DRC8: variants seen among roughly 807,000 people sequenced by gnomAD.
DRC8 encodes the protein dynein regulatory complex protein 8.
the DRC8 span, among the ~76,000 whole-genome samples, chr1:245,045,784 T>C: frequency 1.3e-5 from 1 of 77,990 alleles, no homozygotes. Flanking sequence ...GTCTGACTGG[T>C]TGTGGACAGC....
the DRC8 span, among the ~76,000 whole-genome samples, chr1:245,112,460 T>C: frequency 4.6e-5 from 7 of 152,230 alleles, no homozygotes; most frequent in African/African-American, 1.4e-4. Flanking sequence ...AAAAGAAATA[T>C]GCAGCTGAGT....
chr1:245,082,649 C>T, the DRC8 span, among the ~76,000 whole-genome samples: 1 of 152,114 alleles, frequency 6.6e-6, no homozygotes, highest in Admixed American at 6.6e-5. Context: ...AAAAAGATTT[C>T]AATGAGGCAA....
chr1:245,123,644 C>T, the DRC8 span: 4 of 152,654 alleles, frequency 2.6e-5, no homozygotes, highest in African/African-American at 9.7e-5. The surrounding 1 kb of genome is among the most constrained non-coding windows in gnomAD (Gnocchi z 5.0). Context: ...ATAGGAATTA[C>T]CACCAAATTC....
the DRC8 span, among the ~76,000 whole-genome samples, chr1:245,118,795 AAAAAGAAAAGAAAAGAAAAGAAAAG>A: frequency 2.9e-5 from 4 of 138,484 alleles, no homozygotes; most frequent in Non-Finnish European, 4.6e-5. Context: ...GCCATCTCAA[AAAAAGAAAAGAAAAGAAAAGAAAAG>A]AAAAGAAAAG....
chr1:245,028,489 TA>T, the DRC8 span, among the ~76,000 whole-genome samples: 11 of 152,270 alleles, frequency 7.2e-5, no homozygotes, highest in South Asian at 4.1e-4. Flanking sequence ...TAAAGAGGAA[TA>T]TTTTTTTTCT....
chr1:245,001,531 T>A, the DRC8 span, among the ~76,000 whole-genome samples: 2 of 152,242 alleles, frequency 1.3e-5, no homozygotes, highest in Non-Finnish European at 2.9e-5. Context: ...ACTGGTTCTC[T>A]CACCCTGGGG....
chr1:244,977,041 G>A, the DRC8 span, among the ~76,000 whole-genome samples: 1 of 152,182 alleles, frequency 6.6e-6, no homozygotes, highest in African/African-American at 2.4e-5. Flanking sequence ...CAGTCAAAAA[G>A]ACAAATACTC....
chr1:245,025,780 A>G, the DRC8 span, among the ~76,000 whole-genome samples: 1 of 152,178 alleles, frequency 6.6e-6, no homozygotes, highest in African/African-American at 2.4e-5. Context: ...ATTGAATCAT[A>G]GGGGCAGGTT....
the DRC8 span, among the ~76,000 whole-genome samples, chr1:245,082,391 G>A: frequency 1.3e-5 from 2 of 152,288 alleles, no homozygotes; most frequent in Non-Finnish European, 2.9e-5. Flanking sequence ...GGGTAAATAA[G>A]CTATAAAGAT....
At chr1:245,008,092 C>T in the DRC8 span, among the ~76,000 whole-genome samples, 9 of 152,096 alleles carry the variant, frequency 5.9e-5, no homozygotes, top group Non-Finnish European at 8.8e-5. Flanking sequence ...GGGAGGATTG[C>T]GTGAGCCTGG....
the DRC8 span, among the ~76,000 whole-genome samples, chr1:244,977,292 T>G: frequency 6.6e-6 from 1 of 152,206 alleles, no homozygotes; most frequent in Non-Finnish European, 1.5e-5. Context: ...ATTATGTGTA[T>G]TTTACCACAT....
At chr1:245,122,166 G>T in the DRC8 span, 114 of 232,126 alleles carry the variant, frequency 4.9e-4, no homozygotes, top group African/African-American at 2.5e-3. Context: ...GCCTCCCAAA[G>T]TTCTGGGATT....
At chr1:244,985,680 G>T in the DRC8 span, among the ~76,000 whole-genome samples, 1 of 151,858 alleles carries the variant, frequency 6.6e-6, no homozygotes, top group Non-Finnish European at 1.5e-5. Context: ...CCTGGCTAAT[G>T]TGGTGAAACC....
At chr1:245,102,250 A>G in the DRC8 span, among the ~76,000 whole-genome samples, 1 of 152,232 alleles carries the variant, frequency 6.6e-6, no homozygotes, top group African/African-American at 2.4e-5. Flanking sequence ...TAGTTCTCAA[A>G]TCAAGACAGG....
At chr1:245,026,201 C>T in the DRC8 span, among the ~76,000 whole-genome samples, 16 of 152,288 alleles carry the variant, frequency 1.1e-4, no homozygotes, top group Admixed American at 5.9e-4. Context: ...CTCTGAGGCT[C>T]TTGGTATCCA....
At chr1:245,106,002 C>T in the DRC8 span, among the ~76,000 whole-genome samples, 2 of 152,136 alleles carry the variant, frequency 1.3e-5, no homozygotes, top group African/African-American at 4.8e-5. Flanking sequence ...TCACTTGAGC[C>T]CAGGAGTTCG....
chr1:245,016,688 A>AAT, the DRC8 span, among the ~76,000 whole-genome samples: 4 of 152,270 alleles, frequency 2.6e-5, no homozygotes, highest in Non-Finnish European at 4.4e-5. Context: ...CTGTTTACTG[A>AAT]ATATATATAT....
At chr1:245,025,718 A>C in the DRC8 span, among the ~76,000 whole-genome samples, 1 of 152,178 alleles carries the variant, frequency 6.6e-6, no homozygotes, top group African/African-American at 2.4e-5. Context: ...CTCATCTTGA[A>C]TTGTCGCTGC....
chr1:245,091,372 G>C, the DRC8 span: 1 of 152,320 alleles, frequency 6.6e-6, no homozygotes, highest in Non-Finnish European at 1.5e-5. Flanking sequence ...GCACGGACTT[G>C]TTTGGAGCAT....
Sources: gnomAD v4.1 joint callset for allele counts (sites outside exome capture counted in the v4.1 genomes callset) on GRCh38, gnomAD v4.1.1 for gene constraint, Gnocchi (gnomAD v3.1) non-coding constraint, MANE v1.5 for transcripts, NCBI Gene and HGNC (gene_info 2026-07-23, HGNC 2026-07-21) for gene names.